Variants in RFX4 observed in about 807,000 individuals in gnomAD.
The protein encoded by RFX4 is regulatory factor X4.
Under a neutral mutation model 95.0 loss-of-function variants are expected in RFX4, and 10 were observed. The ratio of observed to expected loss-of-function variants is 0.11; its 90% CI spans 0.06 to 0.18. The LOEUF is 0.18. Ranked by LOEUF, RFX4 falls within the 10% of genes least tolerant of loss-of-function variation. The pLI is 1.00. For missense variants in RFX4, 640 were observed against 922.0 expected (o/e 0.69, Z 3.96); for synonymous variants, 321 against 340.7 (o/e 0.94, Z 0.64).
chr12:106,752,754 G>GC (rs1185708126), intron 17 of RFX4, among the ~76,000 whole-genome samples: 2 of 152,108 alleles, frequency 1.3e-5, no homozygotes, highest in Admixed American at 1.3e-4. Flanking sequence ...ATCTCCTTGG[G>GC]CTCCTCACTG....
chr12:106,589,511 C>T (rs116022203), intron 1 of RFX4, among the ~76,000 whole-genome samples: 1 of 152,118 alleles, frequency 6.6e-6, no homozygotes, highest in Admixed American at 6.5e-5. Flanking sequence ...GCCATTGAAG[C>T]CTTATCACAA....
At chr12:106,670,211 AC>A (rs2041255352) in intron 4 of RFX4, among the ~76,000 whole-genome samples, 1 of 152,240 alleles carries the variant, frequency 6.6e-6, no homozygotes, top group South Asian at 2.1e-4. Context: ...AATTTTGAGA[AC>A]AATTGTTCTA....
intron 2 of RFX4, among the ~76,000 whole-genome samples, chr12:106,634,595 C>T (rs964851417): frequency 1.3e-5 from 2 of 152,202 alleles, no homozygotes; most frequent in Non-Finnish European, 2.9e-5. Context: ...GTTCCATACT[C>T]ACCTGGATCC....
At chr12:106,631,112 A>G (rs1487658000) in intron 2 of RFX4, among the ~76,000 whole-genome samples, 1 of 152,244 alleles carries the variant, frequency 6.6e-6, no homozygotes, top group East Asian at 1.9e-4. Flanking sequence ...GATGTTTCAC[A>G]TGCATTAAAC....
intron 15 of RFX4, among the ~76,000 whole-genome samples, chr12:106,736,347 T>C (rs555435468): frequency 6.6e-6 from 1 of 152,272 alleles, no homozygotes; most frequent in Admixed American, 6.5e-5. Flanking sequence ...TTAGAAATGC[T>C]CTTATCTGGT....
At chr12:106,714,359 A>G (rs11610589) in intron 10 of RFX4, among the ~76,000 whole-genome samples, 29,554 of 152,094 alleles carry the variant, frequency 0.19, 3,333 homozygotes, top group South Asian at 0.28. Context: ...AGTTGTTTTC[A>G]TTATCATTAG....
At chr12:106,602,005 A>G (rs1188840336) in intron 1 of RFX4, among the ~76,000 whole-genome samples, 1 of 152,166 alleles carries the variant, frequency 6.6e-6, no homozygotes, top group African/African-American at 2.4e-5. Context: ...GCCCCACAGC[A>G]TCTTATTATA....
intron 1 of RFX4, among the ~76,000 whole-genome samples, chr12:106,604,189 C>T (rs1468691157): frequency 2.1e-5 from 3 of 146,094 alleles, no homozygotes; most frequent in East Asian, 2.0e-4. Context: ...GGTGCAATCT[C>T]GGCTCACTGC....
chr12:106,640,002 C>T (rs1335558106), intron 3 of RFX4, among the ~76,000 whole-genome samples: 6 of 151,970 alleles, frequency 3.9e-5, no homozygotes, highest in African/African-American at 1.5e-4. Flanking sequence ...CCATTGAAGG[C>T]GATTATTCCC....
intron 1 of RFX4, among the ~76,000 whole-genome samples, chr12:106,587,606 C>A (rs575568406): frequency 1.3e-5 from 2 of 152,358 alleles, no homozygotes; most frequent in East Asian, 3.9e-4. Flanking sequence ...TGCTCCCTCC[C>A]TCCTCTCCGG....
At position 106,707,891 on chromosome 12, in the gene RFX4, G is replaced by A. The variant is rs1027934288; in HGVS notation, c.834-1439G>A. Among the ~76,000 whole-genome samples, 54 of 152,228 alleles carry A rather than the reference G, an allele frequency of 3.5e-4. 1 individual carries two copies. The highest frequency in any genetic ancestry group is 2.4e-3 in the Admixed American group (37 of 15,294). The stretch of plus-strand genomic sequence containing the variant: ...CTCACGCCTGTAATCCCAGCGCTTT[G>A]GGAGGCCAAGGCGGGTGGATCACTT... On this transcript the variant is annotated intron_variant, in intron 8 of 17. Transcript: ENST00000392842.
chr12:106,616,800 T>A (rs2040082446), intron 2 of RFX4, among the ~76,000 whole-genome samples: 1 of 152,168 alleles, frequency 6.6e-6, no homozygotes, highest in African/African-American at 2.4e-5. Context: ...TCATTCTTTC[T>A]CCCAGGCTGG....
rs114921950 is a variant in RFX4 at position 106,666,317 on chromosome 12, G to A, written c.315+11966G>A. Among the ~76,000 whole-genome samples, 1,063 of 151,802 alleles carry A rather than the reference G, an allele frequency of 7.0e-3. 16 individuals are homozygous for A. The highest frequency in any genetic ancestry group is 0.025 in the African/African-American group (1,016 of 41,398). On this transcript the variant is annotated intron_variant, in intron 4 of 17. Transcript: ENST00000392842. Reference sequence around the variant, plus strand: ...TCTGGCTTTTTTCAGGATGTTTTTCGTTATCTTTGATTTTCTATAGTTTGA... The same window carrying A: ...TCTGGCTTTTTTCAGGATGTTTTTCATTATCTTTGATTTTCTATAGTTTGA...
intron 15 of RFX4, among the ~76,000 whole-genome samples, chr12:106,734,365 G>A (rs1442841412): frequency 6.6e-6 from 1 of 152,146 alleles, no homozygotes; most frequent in Admixed American, 6.5e-5. Flanking sequence ...GGAGGCCGAG[G>A]TGGGTGGATC....
intron 15 of RFX4, among the ~76,000 whole-genome samples, chr12:106,735,413 A>G (rs1053594913): frequency 6.6e-6 from 1 of 152,156 alleles, no homozygotes. Flanking sequence ...GGCTTTTTAG[A>G]CCAAAAGCTC....
chr12:106,645,823 G>A lies in RFX4; in HGVS notation c.191+6431G>A, dbSNP rs186094456. ...TTCATAATGTGAGTTAGGTAACATG[G>A]TTCTAAAAAGGGAGGCTGAACACTT... On this transcript the variant is annotated intron_variant, in intron 3 of 17. Coordinates refer to ENST00000392842, the MANE Select transcript of RFX4 (RefSeq NM_213594.3). The A allele has an allele frequency of 3.6e-4, 359 of 1,008,738 alleles. No individual in the cohort carries two copies. The African/African-American group carries it at 5.2e-3, about 15-fold the overall frequency. The allele number at this position is 1,008,738 out of a possible 1,614,324, so 62.5% of individuals were successfully genotyped here.
At chr12:106,608,089 T>A (rs2039875700) in intron 1 of RFX4, among the ~76,000 whole-genome samples, 2 of 152,220 alleles carry the variant, frequency 1.3e-5, no homozygotes, top group Non-Finnish European at 2.9e-5. Context: ...CTCAGGAGGC[T>A]GAGGCAGGAG....
intron 2 of RFX4, among the ~76,000 whole-genome samples, chr12:106,625,027 G>A (rs2040264817): frequency 6.6e-6 from 1 of 152,188 alleles, no homozygotes; most frequent in Admixed American, 6.5e-5. Flanking sequence ...AAATGAAAAT[G>A]TGTTGCTCGG....
At chr12:106,755,677 T>A (rs2043095587) in intron 17 of RFX4, among the ~76,000 whole-genome samples, 1 of 152,180 alleles carries the variant, frequency 6.6e-6, no homozygotes, top group South Asian at 2.1e-4. Flanking sequence ...AGGTTCAGCA[T>A]AGAGAAAATC....
Sources: gnomAD v4.1 joint callset for allele counts (sites outside exome capture counted in the v4.1 genomes callset) on GRCh38, gnomAD v4.1.1 for gene constraint, MANE v1.5 for transcripts, NCBI Gene and HGNC (gene_info 2026-07-23, HGNC 2026-07-21) for gene names.